The following SMYD3 variants were observed in gnomAD, a reference collection of about 807,000 sequenced individuals.
The protein encoded by SMYD3 is SET and MYND domain containing 3.
SMYD3 carries 36 observed loss-of-function variants against 57.7 expected under a neutral mutation model. The ratio of observed to expected loss-of-function variants is 0.62; its 90% CI spans 0.48 to 0.82. The LOEUF (loss-of-function observed/expected upper bound fraction) is 0.82. Among genes scored for constraint, SMYD3 ranks in the 40% least tolerant of loss-of-function variants. SMYD3 has a pLI of 0.00. For missense variants in SMYD3, 515 were observed against 538.8 expected, an observed-to-expected ratio of 0.96 and a Z score of 0.44; for synonymous variants, 211 against 195.0, an observed-to-expected ratio of 1.08 and a Z score of -0.68.
At chr1:246,404,935 G>A (rs1352426444) in intron 1 of SMYD3, among the ~76,000 whole-genome samples, 1 of 151,954 alleles carries the variant, frequency 6.6e-6, no homozygotes, top group African/African-American at 2.4e-5. Context: ...CATAATAATT[G>A]TAAACATTTA....
chr1:245,849,974 AG>A (rs2050878831), intron 10 of SMYD3, among the ~76,000 whole-genome samples: 2 of 81,806 alleles, frequency 2.4e-5, no homozygotes, highest in African/African-American at 6.7e-5. Context: ...TTGATGACAG[AG>A]AGAAAAGGTA....
At chr1:245,995,806 A>G (rs1285352752) in intron 5 of SMYD3, among the ~76,000 whole-genome samples, 1 of 152,096 alleles carries the variant, frequency 6.6e-6, no homozygotes, top group East Asian at 1.9e-4. Context: ...CCTGAGTCCT[A>G]TGTGTGGCAA....
chr1:245,753,130 A>G (rs2045462770), intron 11 of SMYD3, among the ~76,000 whole-genome samples: 1 of 152,102 alleles, frequency 6.6e-6, no homozygotes, highest in African/African-American at 2.4e-5. Flanking sequence ...AACAGGGGCA[A>G]CCCTCAGGAA....
chr1:246,096,615 CG>C lies in SMYD3; in HGVS notation c.532-166679del, dbSNP rs574012142. Among the ~76,000 whole-genome samples the C allele has an allele frequency of 2.0e-3, 312 of 152,286 alleles. 3 individuals carry two copies. Among genetic ancestry groups the C allele is most frequent in the African/African-American group, 6.6e-3 (273 of 41,566 alleles). Reference sequence around the variant, plus strand: ...TGCTTTTTAGATGTTCTGATTAATACGGGTACTTGGGAGCCTAAACACAAAG... The same window carrying C: ...TGCTTTTTAGATGTTCTGATTAATACGGTACTTGGGAGCCTAAACACAAAG... On this transcript the variant is annotated intron_variant, in intron 5 of 11. Coordinates refer to ENST00000490107, the MANE Select transcript of SMYD3 (RefSeq NM_001167740.2).
At chr1:246,124,130 CTA>C (rs1382595808) in intron 5 of SMYD3, among the ~76,000 whole-genome samples, 3 of 152,128 alleles carry the variant, frequency 2.0e-5, no homozygotes, top group African/African-American at 7.2e-5. Context: ...ATGAATTATC[CTA>C]TCACTATTAT....
Position 245,864,103 on chromosome 1 carries a change from G to A in SMYD3, c.814-217C>T, listed in dbSNP as rs2051696627. Among the ~76,000 whole-genome samples, 3 of 152,182 alleles carry A rather than the reference G, an allele frequency of 2.0e-5. No homozygotes were observed. The South Asian group carries it at 6.2e-4, about 31-fold the overall frequency. Reference sequence around the variant, plus strand: ...TCAAAAAGACAGGATAACAGCAAAGGTTAGTGAAGATGCAGAGAAACGGAA... The same window carrying A: ...TCAAAAAGACAGGATAACAGCAAAGATTAGTGAAGATGCAGAGAAACGGAA... On this transcript the variant is annotated intron_variant, in intron 8 of 11. Transcript: ENST00000490107.
intron 5 of SMYD3, among the ~76,000 whole-genome samples, chr1:246,292,103 C>T (rs1265678319): frequency 4.0e-5 from 6 of 151,620 alleles, no homozygotes; most frequent in Non-Finnish European, 8.8e-5. Context: ...CTATCCAACA[C>T]ACAAGCATCT....
intron 5 of SMYD3, among the ~76,000 whole-genome samples, chr1:246,143,979 C>T (rs2061804033): frequency 6.6e-6 from 1 of 152,188 alleles, no homozygotes; most frequent in South Asian, 2.1e-4. Flanking sequence ...CATGGCTAAC[C>T]AACAGCTTCC....
chr1:246,493,719 T>C (rs1282139554), intron 1 of SMYD3, among the ~76,000 whole-genome samples: 2 of 151,304 alleles, frequency 1.3e-5, no homozygotes, highest in Non-Finnish European at 1.5e-5. Flanking sequence ...CTGTCACCAC[T>C]ATTCCAATAG....
intron 5 of SMYD3, among the ~76,000 whole-genome samples, chr1:246,043,973 C>T (rs79487105): frequency 0.015 from 2,216 of 152,288 alleles, 31 homozygotes; most frequent in South Asian, 0.034. Flanking sequence ...ATTCAGGACT[C>T]GCTCTACCTG....
At chr1:246,430,197 C>A (rs1278019456) in intron 1 of SMYD3, among the ~76,000 whole-genome samples, 1 of 152,076 alleles carries the variant, frequency 6.6e-6, no homozygotes, top group East Asian at 1.9e-4. Context: ...AATAATCATA[C>A]AAGAAACGGA....
chr1:245,787,462 C>T (rs1011483291), intron 10 of SMYD3, among the ~76,000 whole-genome samples: 1 of 152,138 alleles, frequency 6.6e-6, no homozygotes, highest in Admixed American at 6.5e-5. Context: ...CCTCTTAGTT[C>T]TGACAAGTTT....
chr1:246,204,552 C>CTTCATTAAT (rs11280956), intron 5 of SMYD3, among the ~76,000 whole-genome samples: 13 of 152,038 alleles, frequency 8.6e-5, no homozygotes, highest in African/African-American at 2.7e-4. Context: ...AGAATCTTAC[C>CTTCATTAAT]TTTGTCAAAG....
In SMYD3 at chr1:246,166,332, A is replaced by ATGCAT. The variant is rs113573285; in HGVS notation, c.531+160868_531+160869insATGCA. Among the ~76,000 whole-genome samples the ATGCAT allele has an allele frequency of 1.6e-3, 247 of 152,276 alleles. 1 individual carries two copies. Among genetic ancestry groups the ATGCAT allele is most frequent in the African/African-American group, 5.5e-3 (229 of 41,540 alleles). ...ACATGTTTGTATAGGGTTCTTTCAG[A>ATGCAT]TTCTCTCACCGGAATCATTTGCTCC... On this transcript the variant is annotated intron_variant, in intron 5 of 11. Transcript: ENST00000490107.
intron 5 of SMYD3, among the ~76,000 whole-genome samples, chr1:246,082,446 C>A (rs2060651764): frequency 1.3e-5 from 2 of 152,140 alleles, no homozygotes; most frequent in South Asian, 4.1e-4. Flanking sequence ...ATGGCCCCCG[C>A]CCAGAGGCAT....
intron 10 of SMYD3, among the ~76,000 whole-genome samples, chr1:245,813,005 C>CT (rs770448717): frequency 0.051 from 3,873 of 75,556 alleles, 812 homozygotes; most frequent in East Asian, 0.2. Context: ...GAGACAGCTT[C>CT]TTTTTTTTTT....
chr1:245,863,000 T>C (rs75127341), intron 9 of SMYD3, among the ~76,000 whole-genome samples: 3,647 of 152,336 alleles, frequency 0.024, 71 homozygotes, highest in South Asian at 0.096. Flanking sequence ...TTTACAACTC[T>C]TTAAATAGCA....
intron 10 of SMYD3, among the ~76,000 whole-genome samples, chr1:245,771,140 A>G: frequency 7.8e-6 from 1 of 128,648 alleles, no homozygotes; most frequent in African/African-American, 2.7e-5. Flanking sequence ...ACATGTATAT[A>G]TACATACATA....
intron 5 of SMYD3, among the ~76,000 whole-genome samples, chr1:246,130,127 ACTT>A (rs1462392876): frequency 1.3e-5 from 2 of 152,200 alleles, no homozygotes; most frequent in Non-Finnish European, 2.9e-5. Context: ...CAGGAGAAAA[ACTT>A]ATATGTTCAA....
Sources: gnomAD v4.1 joint callset for allele counts (sites outside exome capture counted in the v4.1 genomes callset) on GRCh38, gnomAD v4.1.1 for gene constraint, MANE v1.5 for transcripts, NCBI Gene and HGNC (gene_info 2026-07-23, HGNC 2026-07-21) for gene names.